Variants in PTK2 observed in about 807,000 individuals in gnomAD.
PTK2 encodes protein tyrosine kinase 2, also known as focal adhesion kinase 1.
PTK2 carries 45 observed loss-of-function variants against 150.1 expected under a neutral mutation model. That is an observed-to-expected ratio of 0.30 (90% CI 0.24 to 0.38). The LOEUF (loss-of-function observed/expected upper bound fraction) is 0.38. PTK2 is among the 10% of genes least tolerant of loss of function. The probability of loss-of-function intolerance (pLI) is 1.00; values close to 1 mark genes in which losing one functional copy is unlikely to be tolerated. For missense variants in PTK2, 919 were observed against 1,307.3 expected, an observed-to-expected ratio of 0.70 and a Z score of 4.58; for synonymous variants, 432 against 449.2, an observed-to-expected ratio of 0.96 and a Z score of 0.48.
intron 1 of PTK2, among the ~76,000 whole-genome samples, chr8:140,964,181 A>G (rs1233480181): frequency 1.3e-5 from 2 of 152,094 alleles, no homozygotes; most frequent in African/African-American, 2.4e-5. Flanking sequence ...CACCCTATGC[A>G]TGAATGTTTC....
At chr8:140,933,611 C>A (rs1156850338) in intron 1 of PTK2, among the ~76,000 whole-genome samples, 1 of 152,122 alleles carries the variant, frequency 6.6e-6, no homozygotes, top group Non-Finnish European at 1.5e-5. Context: ...CATGGATGAA[C>A]CTTGAAAACA....
chr8:140,700,939 C>T, exon 26 of PTK2: 2 of 1,613,986 alleles, frequency 1.2e-6, no homozygotes, highest in Non-Finnish European at 1.7e-6. Flanking sequence ...CTTCCATTTC[C>T]TGTTGCTGTC....
chr8:140,843,981 A>G (rs2100123802), intron 7 of PTK2, among the ~76,000 whole-genome samples: 1 of 152,150 alleles, frequency 6.6e-6, no homozygotes, highest in Non-Finnish European at 1.5e-5. Context: ...CAACTCCTGG[A>G]TATGTGAGTT....
chr8:140,706,304 G>T, intron 23 of PTK2, 99 bp from the exon 27 acceptor site: 1 of 827,148 alleles, frequency 1.2e-6, no homozygotes, highest in Non-Finnish European at 2.0e-6. Context: ...GAGCTTACTT[G>T]AAAAGAATGA....
intron 8 of PTK2, 68 bp downstream of exon 8, chr8:140,830,404 T>C (rs1245117514): frequency 9.6e-7 from 1 of 1,039,504 alleles, no homozygotes; most frequent in East Asian, 2.7e-5. Context: ...CCAAAAGCAA[T>C]TTACCACTGG....
chr8:140,784,083 T>A (rs1055506677), intron 14 of PTK2, among the ~76,000 whole-genome samples: 53 of 152,180 alleles, frequency 3.5e-4, no homozygotes, highest in Admixed American at 3.5e-3. Flanking sequence ...GCAGGAGGCT[T>A]GAACCTGGGA....
intron 2 of PTK2, among the ~76,000 whole-genome samples, chr8:140,908,559 C>T (rs1436647787): frequency 2.0e-5 from 3 of 152,214 alleles, no homozygotes; most frequent in Admixed American, 2.0e-4. Flanking sequence ...CAGGCTGTCT[C>T]TCATTAGGGG....
chr8:140,662,668 T>A lies in PTK2; in HGVS notation c.2946+2249A>T, dbSNP rs570459690. On this transcript the variant is annotated intron_variant, in intron 31 of 31. Coordinates refer to ENST00000522684, the Ensembl canonical transcript of PTK2. ...CTTACAAAGGAATCACCAACAGGAGTTGTGTCCAACCGTCCTTCAGAAGTC... is the reference window on the plus strand; with the variant it reads ...CTTACAAAGGAATCACCAACAGGAGATGTGTCCAACCGTCCTTCAGAAGTC... 2.6e-4 allele frequency: 144 copies of A among 556,144 alleles called. 2 individuals carry two copies. In the Middle Eastern group the frequency reaches 4.0e-3, roughly 15 times the overall value. 34.5% of individuals were successfully genotyped at this position (556,144 alleles called of 1,614,324 possible).
chr8:140,845,978 T>G (rs926340948), intron 7 of PTK2, among the ~76,000 whole-genome samples: 17 of 151,998 alleles, frequency 1.1e-4, no homozygotes, highest in Non-Finnish European at 1.9e-4. Flanking sequence ...TATAGGCAGC[T>G]GTAGAATTCA....
chr8:140,730,411 A>C (rs187832395), intron 22 of PTK2, among the ~76,000 whole-genome samples: 1 of 152,364 alleles, frequency 6.6e-6, no homozygotes, highest in Admixed American at 6.5e-5. Context: ...AATAAATTAT[A>C]TATATAAAGT....
intron 29 of PTK2, among the ~76,000 whole-genome samples, chr8:140,673,668 G>T (rs988928004): frequency 3.3e-5 from 5 of 152,160 alleles, no homozygotes; most frequent in African/African-American, 1.2e-4. Flanking sequence ...AGTGGCTCCA[G>T]CACTCGGTGA....
intron 16 of PTK2, among the ~76,000 whole-genome samples, chr8:140,759,981 T>C (rs550787685): frequency 2.0e-4 from 30 of 152,194 alleles, no homozygotes; most frequent in African/African-American, 7.0e-4. Flanking sequence ...CCCAGCACTT[T>C]GGGAGGCCGA....
intron 2 of PTK2, among the ~76,000 whole-genome samples, chr8:140,895,594 C>T (rs1233591088): frequency 3.3e-5 from 5 of 151,252 alleles, no homozygotes; most frequent in African/African-American, 9.7e-5. Flanking sequence ...TCTAAGAATA[C>T]ACATCTGTGA....
At chr8:140,772,039 C>A (rs1228805561) in intron 14 of PTK2, among the ~76,000 whole-genome samples, 1 of 151,840 alleles carries the variant, frequency 6.6e-6, no homozygotes, top group Non-Finnish European at 1.5e-5. Flanking sequence ...TCTGCGCACA[C>A]TGGCCTCCCA....
intron 3 of PTK2, 53 bp from the exon 4 acceptor site, chr8:140,879,690 A>AAAAAAAAAAAAAC: frequency 7.9e-7 from 1 of 1,270,594 alleles, no homozygotes; most frequent in Non-Finnish European, 1.0e-6. Flanking sequence ...AAAAAAAAAA[A>AAAAAAAAAAAAAC]AAAAAAAAAA....
chr8:140,886,099 T>C (rs1023249620), intron 3 of PTK2, among the ~76,000 whole-genome samples: 18 of 152,190 alleles, frequency 1.2e-4, no homozygotes, highest in Admixed American at 1.0e-3. Flanking sequence ...GGATATATTT[T>C]TGAAGATAAT....
intron 19 of PTK2, 107 bp from the exon 23 acceptor site, chr8:140,743,437 C>T: frequency 4.5e-6 from 3 of 661,580 alleles, no homozygotes; most frequent in Non-Finnish European, 7.7e-6. Flanking sequence ...AGCTTATATA[C>T]AATGCGAGCA....
Position 140,751,125 on chromosome 8 carries a change from G to A in PTK2, c.1417+1107C>T, listed in dbSNP as rs1000669843. Among the ~76,000 whole-genome samples the A allele has an allele frequency of 5.3e-5, 8 of 151,938 alleles. No homozygotes were observed. In the South Asian group the frequency reaches 6.3e-4, roughly 12 times the overall value. ...TCTAGCTAAAGTCACCTGGGAAGCCGTCAGAAGAGTCCTTTCCTGAGGTCT... is the reference window on the plus strand; with the variant it reads ...TCTAGCTAAAGTCACCTGGGAAGCCATCAGAAGAGTCCTTTCCTGAGGTCT... On this transcript the variant is annotated intron_variant, in intron 17 of 31. Coordinates refer to ENST00000522684, the Ensembl canonical transcript of PTK2.
intron 1 of PTK2, among the ~76,000 whole-genome samples, chr8:140,927,975 A>AAAAAAAACAATATATATATATAT: frequency 2.1e-5 from 1 of 48,196 alleles, no homozygotes; most frequent in African/African-American, 9.8e-5. Flanking sequence ...AAAAAAAAAA[A>AAAAAAAACAATATATATATATAT]ATATATATAT....
Sources: allele counts gnomAD v4.1 joint callset (sites outside exome capture counted in the v4.1 genomes callset), GRCh38; gene constraint gnomAD v4.1.1; transcripts MANE v1.5; gene names NCBI Gene and HGNC (gene_info 2026-07-23, HGNC 2026-07-21).